AZIN2: variants seen among roughly 807,000 people sequenced by gnomAD.
AZIN2 encodes ODC antizyme inhibitor-2.
AZIN2 carries 28 observed loss-of-function variants against 47.8 expected under a neutral mutation model. The ratio of observed to expected loss-of-function variants is 0.59; its 90% CI spans 0.43 to 0.80. The LOEUF (loss-of-function observed/expected upper bound fraction) is 0.80, where lower values mean the gene tolerates loss of function less well. Ranked by LOEUF, AZIN2 falls within the 30% of genes least tolerant of loss-of-function variation. The probability of loss-of-function intolerance (pLI) is 0.00; values close to 1 mark genes in which losing one functional copy is unlikely to be tolerated. For missense variants in AZIN2, 535 were observed against 582.5 expected, an observed-to-expected ratio of 0.92 and a Z score of 0.84; for synonymous variants, 221 against 239.4, an observed-to-expected ratio of 0.92 and a Z score of 0.71.
intron 10 of AZIN2, among the ~76,000 whole-genome samples, chr1:33,101,023 G>A (rs1242795738): frequency 1.3e-5 from 2 of 152,032 alleles, no homozygotes; most frequent in Non-Finnish European, 1.5e-5. Context: ...CACCATGCCT[G>A]GCTAATTTTT....
the AZIN2 span, among the ~76,000 whole-genome samples, chr1:33,161,533 C>T: frequency 6.6e-6 from 1 of 152,168 alleles, no homozygotes; most frequent in Non-Finnish European, 1.5e-5. The surrounding 1 kb of genome is among the most constrained non-coding windows in gnomAD (Gnocchi z 4.3). Context: ...GCAGGAAGAA[C>T]TGCTGGCGGT....
At chr1:33,154,639 A>G in the AZIN2 span, among the ~76,000 whole-genome samples, 17 of 151,534 alleles carry the variant, frequency 1.1e-4, 1 homozygote, top group African/African-American at 4.1e-4. Flanking sequence ...CTCTACTAAA[A>G]ATACAAAAAT....
At chr1:33,098,580 T>C (rs1014069935) in intron 10 of AZIN2, among the ~76,000 whole-genome samples, 12 of 152,178 alleles carry the variant, frequency 7.9e-5, no homozygotes, top group Admixed American at 3.9e-4. Flanking sequence ...TTCCTGGAAG[T>C]AGAAACAGTT....
chr1:33,158,690 T>C, the AZIN2 span, among the ~76,000 whole-genome samples: 1 of 152,234 alleles, frequency 6.6e-6, no homozygotes, highest in Non-Finnish European at 1.5e-5. Context: ...CAATCAGTAT[T>C]GATCACCAAC....
the AZIN2 span, chr1:33,158,194 G>C: frequency 6.7e-7 from 1 of 1,493,614 alleles, no homozygotes; most frequent in Admixed American, 1.7e-5. Context: ...AGGACAGGGG[G>C]CTGGGCTGTG....
the AZIN2 span, among the ~76,000 whole-genome samples, chr1:33,156,563 C>T: frequency 6.6e-6 from 1 of 152,202 alleles, no homozygotes; most frequent in Non-Finnish European, 1.5e-5. Flanking sequence ...GGGTCCCCCT[C>T]TTGTCCCTGA....
At chr1:33,166,476 A>G in the AZIN2 span, among the ~76,000 whole-genome samples, 5 of 152,162 alleles carry the variant, frequency 3.3e-5, no homozygotes, top group African/African-American at 1.2e-4. Context: ...TCCGAGGGCT[A>G]CAGTGGGCTG....
chr1:33,159,926 G>T, the AZIN2 span: 748 of 1,605,212 alleles, frequency 4.7e-4, 1 homozygote, highest in Non-Finnish European at 6.1e-4. The surrounding 1 kb of genome is among the most constrained non-coding windows in gnomAD (Gnocchi z 4.2). Flanking sequence ...ATAGTGGTCC[G>T]CAGGCTCTTG....
intron 9 of AZIN2, among the ~76,000 whole-genome samples, chr1:33,097,301 T>C (rs1479611238): frequency 6.6e-6 from 1 of 152,198 alleles, no homozygotes; most frequent in East Asian, 1.9e-4. Context: ...TTACATTTGT[T>C]TGAGTCCACT....
At chr1:33,088,923 C>T (rs1642231379) in intron 5 of AZIN2, among the ~76,000 whole-genome samples, 1 of 152,204 alleles carries the variant, frequency 6.6e-6, no homozygotes, top group South Asian at 2.1e-4. Flanking sequence ...TTTGGGACTG[C>T]CCTGCCTATC....
the AZIN2 span, chr1:33,146,034 C>G: frequency 2.6e-6 from 1 of 392,122 alleles, no homozygotes; most frequent in African/African-American, 2.1e-5. Context: ...GAGCCTAGTT[C>G]TGCAGTCAGC....
the AZIN2 span, chr1:33,147,716 G>T: frequency 6.2e-7 from 1 of 1,610,912 alleles, no homozygotes; most frequent in South Asian, 1.1e-5. The surrounding 1 kb of genome is among the most constrained non-coding windows in gnomAD (Gnocchi z 8.1). Flanking sequence ...TCCAGGGTTA[G>T]GGCGGCTGGC....
chr1:33,135,377 G>C, the AZIN2 span, among the ~76,000 whole-genome samples: 1 of 152,300 alleles, frequency 6.6e-6, no homozygotes, highest in Middle Eastern at 3.4e-3. Context: ...TTCCCCACAA[G>C]CAAGCTCTGA....
intron 4 of AZIN2, 136 bp downstream of exon 4, chr1:33,082,490 C>T (rs997823947): frequency 1.6e-6 from 1 of 621,046 alleles, no homozygotes; most frequent in African/African-American, 1.9e-5. Context: ...AAGAGAGGGG[C>T]TCAATTTATC....
At chr1:33,082,067 G>A (rs1641324830) in intron 3 of AZIN2, 111 bp from the exon 4 acceptor site, 2 of 617,744 alleles carry the variant, frequency 3.2e-6, no homozygotes, top group Admixed American at 2.5e-5. Context: ...TGAACCCCGG[G>A]CTTGTGCTGG....
intron 4 of AZIN2, chr1:33,083,690 T>C (rs1296182634): frequency 7.8e-6 from 4 of 513,142 alleles, no homozygotes; most frequent in Non-Finnish European, 1.4e-5. Context: ...GGAACAAAGG[T>C]TTGAAGGTGG....
chr1:33,091,796 T>C (rs1642579168), intron 5 of AZIN2, among the ~76,000 whole-genome samples: 1 of 152,224 alleles, frequency 6.6e-6, no homozygotes, highest in Non-Finnish European at 1.5e-5. Flanking sequence ...TCTGTATTCA[T>C]TCTGAATGGG....
At chr1:33,106,591 A>G (rs572658821) in intron 10 of AZIN2, among the ~76,000 whole-genome samples, 31 of 152,290 alleles carry the variant, frequency 2.0e-4, no homozygotes, top group African/African-American at 7.2e-4. Context: ...TATCCCTGGG[A>G]TGCAAAGAAA....
At chr1:33,091,316 T>G (rs1642523179) in intron 5 of AZIN2, among the ~76,000 whole-genome samples, 1 of 152,184 alleles carries the variant, frequency 6.6e-6, no homozygotes, top group African/African-American at 2.4e-5. Context: ...CTCGGCTCAC[T>G]CCAGCCTCCG....
Sources: allele counts gnomAD v4.1 joint callset (sites outside exome capture counted in the v4.1 genomes callset), GRCh38; gene constraint gnomAD v4.1.1; non-coding constraint Gnocchi (gnomAD v3.1); transcripts MANE v1.5; gene names NCBI Gene and HGNC (gene_info 2026-07-23, HGNC 2026-07-21).